BRD4: variants seen among roughly 807,000 people sequenced by gnomAD.
The protein encoded by BRD4 is bromodomain containing 4.
BRD4 carries 16 observed loss-of-function variants against 142.1 expected under a neutral mutation model. The ratio of observed to expected loss-of-function variants is 0.11; its 90% confidence interval spans 0.08 to 0.17. BRD4 has a LOEUF of 0.17. Among genes scored for constraint, BRD4 ranks in the 10% least tolerant of loss-of-function variants. The probability of loss-of-function intolerance (pLI) is 1.00; values close to 1 mark genes in which losing one functional copy is unlikely to be tolerated. For synonymous variants in BRD4, 833 were observed against 707.5 expected (o/e 1.18, Z -2.82); for missense variants, 1,424 against 1,810.9 (o/e 0.79, Z 3.88).
Position 15,305,724 on chromosome 19 carries a change from C to A in BRD4, c.-35+26566G>T, listed in dbSNP as rs570187637. Reference sequence around the variant, plus strand: ...ACTTAAAGTCATCAGCTACAGTAGCCCCTAATGAGAGGCAGCCTGTCCTTT... The same window carrying A: ...ACTTAAAGTCATCAGCTACAGTAGCACCTAATGAGAGGCAGCCTGTCCTTT... On this transcript the variant is annotated intron_variant, in intron 1 of 19. Transcript: ENST00000679869. Among the ~76,000 whole-genome samples the A allele has an allele frequency of 1.2e-3, 181 of 152,210 alleles. 2 individuals carry two copies. In the South Asian group the frequency reaches 0.036, roughly 30 times the overall value.
rs762370545 is a variant in BRD4 at position 15,264,687 on chromosome 19, G to A, written c.929C>T (p.Pro310Leu). The A allele has an allele frequency of 8.7e-6, 14 of 1,613,466 alleles. No individual in the cohort carries two copies. Among genetic ancestry groups the A allele is most frequent in the South Asian group, 2.2e-5 (2 of 91,036 alleles). The change falls in exon 6 of 20, where the codon CCC becomes CTC. Residue 310 changes from proline to leucine, a missense_variant. Transcript: ENST00000679869. ...CAGCTTGGTGGTCTTGGGCTCCGGG[G>A]GCAGCGAGGGTGGCTCGTGAATGGG... ...IDPIHEPPSL[P>L]PEPKTTKLGQ... is the part of the protein sequence containing the mutation.
At chr19:15,261,168 G>A (rs2047466752) in intron 7 of BRD4, among the ~76,000 whole-genome samples, 1 of 152,154 alleles carries the variant, frequency 6.6e-6, no homozygotes, top group African/African-American at 2.4e-5. Flanking sequence ...GCCACCGGGT[G>A]GCCCTGAACA....
rs2145595243 is a variant in BRD4, at chr19:15,263,405, C to T, written c.1341+15G>A. On this transcript the variant is annotated intron_variant, in intron 7 of 19. Transcript: ENST00000679869. ...CCTGCTCTGCTGAGGGTGGCTGCGC[C>T]CTCCCAAGCCTCACCTGGAGCTTGC... The T allele has an allele frequency of 6.2e-7, 1 of 1,611,022 alleles. No individual in the cohort carries two copies. Among genetic ancestry groups the T allele is most frequent in the South Asian group, 1.1e-5 (1 of 91,044 alleles).
chr19:15,289,488 T>G lies in BRD4; in HGVS notation c.-34-16355A>C, dbSNP rs149142041. Among the ~76,000 whole-genome samples the G allele has an allele frequency of 1.2e-4, 18 of 151,920 alleles. No homozygotes were observed. The East Asian group carries it at 3.5e-3, about 29-fold the overall frequency. On this transcript the variant is annotated intron_variant, in intron 1 of 19. Coordinates refer to ENST00000679869, the MANE Select transcript of BRD4 (RefSeq NM_001379291.1). Reference sequence around the variant, plus strand: ...ATCACTTGAACCCTGGAGGCGGAGGTTGCGATGAGCCGAGATCGCGCCACT... The same window carrying G: ...ATCACTTGAACCCTGGAGGCGGAGGGTGCGATGAGCCGAGATCGCGCCACT...
rs906811787 is a variant in BRD4 at position 15,235,740 on chromosome 19, A to C, written c.*2637T>G. On this transcript the variant is annotated 3_prime_UTR_variant, in exon 20 of 20. Transcript: ENST00000679869. Reference sequence around the variant, plus strand: ...CACCTCTTACTCTGGTATAGGACTAAGATTTCTAGTACTGTGGGAAGGGTT... The same window carrying C: ...CACCTCTTACTCTGGTATAGGACTACGATTTCTAGTACTGTGGGAAGGGTT... The C allele has an allele frequency of 3.3e-5, 5 of 152,190 alleles. 1 individual carries two copies. The highest frequency in any genetic ancestry group is 5.9e-5 in the Non-Finnish European group (4 of 68,046). 9.4% of individuals were successfully genotyped at this position (152,190 alleles called of 1,614,324 possible).
At chr19:15,298,483 C>T (rs111400355) in intron 1 of BRD4, among the ~76,000 whole-genome samples, 12 of 151,740 alleles carry the variant, frequency 7.9e-5, no homozygotes, top group East Asian at 1.9e-4. Flanking sequence ...TAGCCCGGCA[C>T]GGTGGCAGGC....
At chr19:15,287,143 G>A (rs2047745827) in intron 1 of BRD4, among the ~76,000 whole-genome samples, 1 of 152,040 alleles carries the variant, frequency 6.6e-6, no homozygotes, top group Non-Finnish European at 1.5e-5. Flanking sequence ...GTGAATGGGG[G>A]AAACATATGG....
chr19:15,278,810 C>G (rs953927462), intron 1 of BRD4, among the ~76,000 whole-genome samples: 4 of 152,144 alleles, frequency 2.6e-5, no homozygotes, highest in East Asian at 1.9e-4. Flanking sequence ...AATTTTCCCT[C>G]TAAATTCATA....
intron 1 of BRD4, among the ~76,000 whole-genome samples, chr19:15,278,989 G>A (rs1251626919): frequency 6.6e-6 from 1 of 152,146 alleles, no homozygotes; most frequent in Non-Finnish European, 1.5e-5. Context: ...TTACAAGCAT[G>A]CGCCTGCACG....
intron 6 of BRD4, 163 bp downstream of exon 6, chr19:15,264,241 C>A: frequency 2.2e-6 from 2 of 919,928 alleles, no homozygotes; most frequent in East Asian, 5.2e-5. Flanking sequence ...CGTCCCACAG[C>A]AGACAGCAGG....
intron 1 of BRD4, among the ~76,000 whole-genome samples, chr19:15,287,251 T>A (rs1181624962): frequency 6.6e-6 from 1 of 151,930 alleles, no homozygotes; most frequent in Non-Finnish European, 1.5e-5. Context: ...TTTTTTTTTT[T>A]AAGACACAGT....
chr19:15,273,472 T>C (rs1319655604), intron 1 of BRD4, among the ~76,000 whole-genome samples: 1 of 152,236 alleles, frequency 6.6e-6, no homozygotes, highest in Non-Finnish European at 1.5e-5. Context: ...ACATCCCTTT[T>C]CCCACCTGTG....
intron 11 of BRD4, chr19:15,248,706 G>A (rs756417973): frequency 4.4e-6 from 1 of 226,384 alleles, no homozygotes; most frequent in East Asian, 6.4e-5. Flanking sequence ...GCTGTGGGAA[G>A]AGCCTCACTG....
chr19:15,281,690 A>G (rs2047705592), intron 1 of BRD4, among the ~76,000 whole-genome samples: 1 of 152,238 alleles, frequency 6.6e-6, no homozygotes, highest in Admixed American at 6.5e-5. Context: ...AGAAGCATGT[A>G]GCAAAAACAA....
chr19:15,300,111 G>C (rs2047855268), intron 1 of BRD4, among the ~76,000 whole-genome samples: 1 of 152,158 alleles, frequency 6.6e-6, no homozygotes, highest in Admixed American at 6.5e-5. Flanking sequence ...TGAGTGTGGT[G>C]GTGTGTGCCT....
At chr19:15,275,989 C>T (rs1018291533) in intron 1 of BRD4, 7 of 153,226 alleles carry the variant, frequency 4.6e-5, no homozygotes, top group Admixed American at 2.0e-4. Context: ...AGTAAAACTC[C>T]ATCTCAAAAA....
Position 15,307,655 on chromosome 19 carries a change from C to G in BRD4, c.-35+24635G>C, listed in dbSNP as rs148861453. ...AAAAGCCTGGGCGCGGAAGTGAGCA[C>G]CTATAGTCCCAACTACTTGAGAGGC... On this transcript the variant is annotated intron_variant, in intron 1 of 19. Transcript: ENST00000679869. Among the ~76,000 whole-genome samples the G allele has an allele frequency of 4.1e-4, 63 of 152,260 alleles. 1 individual carries two copies. The highest frequency in any genetic ancestry group is 3.4e-3 in the Middle Eastern group (1 of 294).
chr19:15,315,867 G>C (rs1305934078), intron 1 of BRD4, among the ~76,000 whole-genome samples: 1 of 150,858 alleles, frequency 6.6e-6, no homozygotes, highest in African/African-American at 2.4e-5. Context: ...CCTCAAGACC[G>C]AGAAGCGGCC....
chr19:15,312,094 C>A (rs1229044397), intron 1 of BRD4, among the ~76,000 whole-genome samples: 6 of 152,204 alleles, frequency 3.9e-5, no homozygotes, highest in Non-Finnish European at 8.8e-5. Context: ...CAAATGGGTT[C>A]AGCCGACATT....
Sources: allele counts gnomAD v4.1 joint callset (sites outside exome capture counted in the v4.1 genomes callset), GRCh38; gene constraint gnomAD v4.1.1; transcripts MANE v1.5; gene names NCBI Gene and HGNC (gene_info 2026-07-23, HGNC 2026-07-21).